TEC: variants seen among roughly 807,000 people sequenced by gnomAD.
The protein encoded by TEC is tec protein tyrosine kinase.
TEC carries 72 observed loss-of-function variants against 93.0 expected under a neutral mutation model. The ratio of observed to expected loss-of-function variants is 0.77; its 90% CI spans 0.64 to 0.94. The LOEUF (loss-of-function observed/expected upper bound fraction) is 0.94. Ranked by LOEUF, TEC falls within the 40% of genes least tolerant of loss-of-function variation. TEC has a pLI of 0.00. For missense variants in TEC, 630 were observed against 757.9 expected (o/e 0.83, Z 1.98); for synonymous variants, 249 against 247.7 (o/e 1.01, Z -0.05).
At chr4:48,148,631 T>C (rs973602141) in intron 11 of TEC, among the ~76,000 whole-genome samples, 1 of 152,220 alleles carries the variant, frequency 6.6e-6, no homozygotes, top group African/African-American at 2.4e-5. Context: ...AATAGACATA[T>C]CTTGGACTTT....
chr4:48,233,044 G>A (rs750678433), intron 1 of TEC, among the ~76,000 whole-genome samples: 2 of 152,114 alleles, frequency 1.3e-5, no homozygotes, highest in Admixed American at 6.5e-5. Context: ...GGTTTATTTC[G>A]GAAGACTATA....
intron 2 of TEC, among the ~76,000 whole-genome samples, chr4:48,217,391 C>T (rs572716096): frequency 2.0e-5 from 3 of 152,196 alleles, no homozygotes; most frequent in South Asian, 2.1e-4. Context: ...CGTGAGATAC[C>T]GCGCCCAGCC....
At chr4:48,179,370 ATATATATTTTTT>A (rs1391043489) in intron 2 of TEC, among the ~76,000 whole-genome samples, 3 of 33,710 alleles carry the variant, frequency 8.9e-5, no homozygotes, top group Admixed American at 4.0e-4. Context: ...ATATATATAT[ATATATATTTTTT>A]TTTTTTTTTT....
intron 2 of TEC, among the ~76,000 whole-genome samples, chr4:48,212,108 A>ATAT (rs1317959461): frequency 2.3e-5 from 2 of 86,584 alleles, no homozygotes; most frequent in South Asian, 7.2e-4. Flanking sequence ...CAAAAAAAAA[A>ATAT]AAATATATAT....
intron 1 of TEC, among the ~76,000 whole-genome samples, chr4:48,262,240 A>G (rs1231326911): frequency 1.1e-5 from 1 of 94,666 alleles, no homozygotes; most frequent in Non-Finnish European, 2.0e-5. Flanking sequence ...TCTGTTGCCC[A>G]GGCTGGAGTG....
chr4:48,251,554 T>A (rs570430345), intron 1 of TEC, among the ~76,000 whole-genome samples: 64 of 152,226 alleles, frequency 4.2e-4, no homozygotes, highest in Non-Finnish European at 6.8e-4. Context: ...TGGTTGTAAG[T>A]TTCACAGGAA....
intron 1 of TEC, among the ~76,000 whole-genome samples, chr4:48,261,176 T>C (rs1261122329): frequency 1.3e-5 from 2 of 152,190 alleles, no homozygotes; most frequent in African/African-American, 2.4e-5. Context: ...GCAATGCTTC[T>C]ATAACTGGTT....
intron 14 of TEC, among the ~76,000 whole-genome samples, chr4:48,142,020 TA>T (rs1719693699): frequency 6.6e-6 from 1 of 152,234 alleles, no homozygotes. Flanking sequence ...GACCTGTTCT[TA>T]TTAAACTATC....
intron 2 of TEC, among the ~76,000 whole-genome samples, chr4:48,182,065 T>C (rs1216939189): frequency 1.3e-5 from 2 of 151,948 alleles, no homozygotes; most frequent in Non-Finnish European, 1.5e-5. Flanking sequence ...GGCAGATCAC[T>C]TGAGGTCAGA....
chr4:48,245,381 A>C (rs142789014), intron 1 of TEC, among the ~76,000 whole-genome samples: 4 of 152,322 alleles, frequency 2.6e-5, no homozygotes, highest in African/African-American at 9.6e-5. Flanking sequence ...TGTCATCCAA[A>C]AAGACTTCAC....
intron 2 of TEC, among the ~76,000 whole-genome samples, chr4:48,202,066 C>T (rs1434135030): frequency 6.7e-6 from 1 of 150,310 alleles, no homozygotes; most frequent in South Asian, 2.1e-4. Context: ...ACGCCATTCT[C>T]CTGCCTCAGC....
Position 48,167,788 on chromosome 4 carries a change from C to T in TEC, c.661G>A (p.Asp221Asn), listed in dbSNP as rs1302593702. The T allele has an allele frequency of 3.1e-6, 5 of 1,613,564 alleles. No homozygotes were observed. The East Asian group carries it at 8.9e-5, about 29-fold the overall frequency. Residue 221 changes from aspartate (D) to asparagine (N), a missense_variant, in exon 7 of 18, where the codon GAT becomes AAT. Around this residue, in one of 3 missense-constraint regions of TEC, gnomAD observed 335 missense variants for 351.5 expected, o/e 0.95. Transcript: ENST00000381501. ...KNDVHWWRAR[D>N]KYGNEGYIPS... ...AGAGGGAATACTTACCCATATTTAT[C>T]TCTTGCTCTCCACCAATGAACATCA...
intron 3 of TEC, among the ~76,000 whole-genome samples, chr4:48,174,053 A>G (rs2109552573): frequency 6.6e-6 from 1 of 152,354 alleles, no homozygotes; most frequent in Middle Eastern, 3.4e-3. Flanking sequence ...CTTAAGTTAT[A>G]ATAAGAGAGG....
intron 1 of TEC, among the ~76,000 whole-genome samples, chr4:48,239,979 T>TGA (rs1477834654): frequency 1.0e-5 from 1 of 99,222 alleles, no homozygotes; most frequent in Non-Finnish European, 1.9e-5. Flanking sequence ...ATTTGCTCTG[T>TGA]GAGTGTGTGT....
intron 7 of TEC, among the ~76,000 whole-genome samples, chr4:48,166,742 T>C (rs188220502): frequency 1.7e-4 from 26 of 151,890 alleles, no homozygotes; most frequent in African/African-American, 6.3e-4. Context: ...CAGCATCCGA[T>C]AAAGAGAAGC....
At chr4:48,265,063 C>G (rs562184713) in intron 1 of TEC, among the ~76,000 whole-genome samples, 1 of 152,112 alleles carries the variant, frequency 6.6e-6, no homozygotes, top group South Asian at 2.1e-4. Context: ...ACAAAAGCCG[C>G]TTGGGAAATT....
At chr4:48,250,968 C>A (rs548929258) in intron 1 of TEC, among the ~76,000 whole-genome samples, 3 of 152,322 alleles carry the variant, frequency 2.0e-5, no homozygotes, top group Non-Finnish European at 4.4e-5. Flanking sequence ...CATCATTATC[C>A]CGCATCAGGA....
At chr4:48,150,743 G>C (rs1159804602) in intron 10 of TEC, 120 bp downstream of exon 10, 1 of 649,580 alleles carries the variant, frequency 1.5e-6, no homozygotes, top group Non-Finnish European at 2.5e-6. Context: ...ATCAAGTTCA[G>C]GTTTTCTTTT....
chr4:48,191,424 A>G (rs894597682), intron 2 of TEC, among the ~76,000 whole-genome samples: 1 of 152,178 alleles, frequency 6.6e-6, no homozygotes, highest in Admixed American at 6.5e-5. Context: ...TTTCACTGGC[A>G]TTTACATTGT....
Sources: allele counts gnomAD v4.1 joint callset (sites outside exome capture counted in the v4.1 genomes callset), GRCh38; gene constraint gnomAD v4.1.1; regional missense constraint gnomAD v4.1.1; transcripts MANE v1.5; gene names NCBI Gene and HGNC (gene_info 2026-07-23, HGNC 2026-07-21).